TEX9: variants seen among roughly 807,000 people sequenced by gnomAD.
The protein encoded by TEX9 is testis expressed 9.
TEX9 carries 74 observed loss-of-function variants against 59.6 expected under a neutral mutation model. The ratio of observed to expected loss-of-function variants is 1.24; its 90% CI spans 1.03 to 1.51. TEX9 has a LOEUF of 1.51. Ranked by LOEUF, TEX9 falls within the 40% of genes most tolerant of loss-of-function variation. TEX9 has a pLI of 0.00. For missense variants in TEX9, 522 were observed against 447.8 expected, an observed-to-expected ratio of 1.17 and a Z score of -1.49; for synonymous variants, 186 against 152.2, an observed-to-expected ratio of 1.22 and a Z score of -1.64.
intron 1 of TEX9, among the ~76,000 whole-genome samples, chr15:56,328,766 G>A (rs1038224056): frequency 6.6e-6 from 1 of 152,060 alleles, no homozygotes; most frequent in African/African-American, 2.4e-5. Flanking sequence ...AGCACTCAGT[G>A]GTAAAATAGA....
chr15:56,365,483 T>C lies in TEX9; in HGVS notation c.27+6T>C. ...GGCGAAGTCTGTGTCTCACGGTCAG[T>C]TCAACTCCAGGCTCCTGGGGAGCGT... On this transcript the variant is annotated splice_donor_region_variant and intron_variant, in intron 1 of 12. Coordinates refer to ENST00000352903, the Ensembl canonical transcript of TEX9. 1 of 1,614,182 alleles carries C rather than the reference T, an allele frequency of 6.2e-7. No individual in the cohort carries two copies. Among genetic ancestry groups the C allele is most frequent in the Non-Finnish European group, 8.5e-7 (1 of 1,180,002 alleles).
At chr15:56,447,829 T>A (rs2050918958), downstream of TEX9, 1 of 152,176 alleles carries the variant, frequency 6.6e-6, no homozygotes, top group African/African-American at 2.4e-5. Flanking sequence ...TTCGCACTTA[T>A]CCTGAGGCAA....
At chr15:56,337,951 A>T (rs1320692141) in intron 1 of TEX9, among the ~76,000 whole-genome samples, 2 of 152,212 alleles carry the variant, frequency 1.3e-5, no homozygotes, top group East Asian at 3.9e-4. Flanking sequence ...GGTTGATAAG[A>T]CATTCCAGTA....
chr15:56,368,707 A>G lies in TEX9; in HGVS notation c.119+3037A>G, dbSNP rs373069868. Reference sequence around the variant, plus strand: ...AAATACATTAGCATAAACTGAGTCTATGGTGGTATGTTTGAAATCTTGACT... The same window carrying G: ...AAATACATTAGCATAAACTGAGTCTGTGGTGGTATGTTTGAAATCTTGACT... On this transcript the variant is annotated intron_variant, in intron 2 of 12. Transcript: ENST00000352903. 7.2e-4 allele frequency among the ~76,000 whole-genome samples: 109 copies of G among 152,282 alleles called. No individual in the cohort carries two copies. In the South Asian group the frequency reaches 0.021, roughly 30 times the overall value.
chr15:56,246,124 C>T (rs891146274), intron 1 of TEX9, among the ~76,000 whole-genome samples: 1 of 152,158 alleles, frequency 6.6e-6, no homozygotes. Context: ...AGGCTGGCTT[C>T]CCAAGTGCAA....
rs148762928 is a variant in TEX9 at position 56,305,131 on chromosome 15, G to T, written c.-107+60853G>T. Among the ~76,000 whole-genome samples the T allele has an allele frequency of 2.8e-3, 429 of 152,166 alleles. 5 individuals carry two copies. Among genetic ancestry groups the T allele is most frequent in the Admixed American group, 8.1e-3 (123 of 15,278 alleles). On this transcript the variant is annotated intron_variant, in intron 1 of 5. Transcript: ENST00000560827. ...AAACACTGATGCAAGAAATTGAGAA[G>T]ACACAAAACATGGAAAAATATTCTA... is the stretch of plus-strand genomic sequence containing the variant.
chr15:56,260,635 G>C (rs1486717495), intron 1 of TEX9, among the ~76,000 whole-genome samples: 1 of 151,736 alleles, frequency 6.6e-6, no homozygotes, highest in Non-Finnish European at 1.5e-5. Flanking sequence ...ATATTCTTTG[G>C]ATTTGATTAT....
chr15:56,369,060 TTG>T (rs2047072475), intron 2 of TEX9, among the ~76,000 whole-genome samples: 1 of 152,130 alleles, frequency 6.6e-6, no homozygotes, highest in Admixed American at 6.5e-5. Context: ...ATTCCAGGAC[TTG>T]TTTTGATGTA....
intron 1 of TEX9, among the ~76,000 whole-genome samples, chr15:56,271,193 T>G (rs1162294034): frequency 6.6e-6 from 1 of 152,184 alleles, no homozygotes; most frequent in Non-Finnish European, 1.5e-5. Context: ...CCTTACTAGT[T>G]TGGGGAAGTT....
chr15:56,279,580 T>C (rs1283594280), intron 1 of TEX9, among the ~76,000 whole-genome samples: 1 of 152,180 alleles, frequency 6.6e-6, no homozygotes, highest in Non-Finnish European at 1.5e-5. Context: ...TTTACTTCCA[T>C]AGAGAAATCT....
chr15:56,250,438 A>G (rs1334296133), intron 1 of TEX9, among the ~76,000 whole-genome samples: 1 of 152,190 alleles, frequency 6.6e-6, no homozygotes, highest in Non-Finnish European at 1.5e-5. Flanking sequence ...TAGAAGCAGG[A>G]AAACGAGCAT....
chr15:56,375,470 G>A (rs1471706648), intron 3 of TEX9, among the ~76,000 whole-genome samples: 21 of 151,826 alleles, frequency 1.4e-4, no homozygotes, highest in Non-Finnish European at 2.9e-5. Flanking sequence ...TAGGTTGCCT[G>A]TTCACTCTGA....
chr15:56,433,255 C>T (rs1331122390), intron 12 of TEX9, among the ~76,000 whole-genome samples: 3 of 14,064 alleles, frequency 2.1e-4, no homozygotes, highest in Middle Eastern at 0.029. Flanking sequence ...CAGGGCCTGT[C>T]GGGGGGTGGG....
chr15:56,439,032 A>C (rs1365842872), intron 12 of TEX9, among the ~76,000 whole-genome samples: 1 of 152,130 alleles, frequency 6.6e-6, no homozygotes, highest in Non-Finnish European at 1.5e-5. Flanking sequence ...CTCTGGGCAG[A>C]AGACATGCCT....
intron 3 of TEX9, among the ~76,000 whole-genome samples, chr15:56,381,900 A>T (rs2064434317): frequency 6.6e-6 from 1 of 152,212 alleles, no homozygotes; most frequent in African/African-American, 2.4e-5. Flanking sequence ...CTCTACAATC[A>T]GCAGGTGATG....
intron 1 of TEX9, among the ~76,000 whole-genome samples, chr15:56,299,952 C>A (rs1331069267): frequency 2.0e-5 from 3 of 151,876 alleles, no homozygotes; most frequent in African/African-American, 7.3e-5. Flanking sequence ...CTTTCAGTGG[C>A]CATGAGGAGA....
chr15:56,361,685 G>A (rs1204807846), upstream of TEX9, among the ~76,000 whole-genome samples: 5 of 152,150 alleles, frequency 3.3e-5, no homozygotes, highest in African/African-American at 9.7e-5. Context: ...GTTAGGATGA[G>A]GTCATTAGGG....
Position 56,383,956 on chromosome 15 carries a change from A to T in TEX9, c.188A>T (p.Asp63Val), listed in dbSNP as rs781268021. The T allele has an allele frequency of 1.4e-5, 22 of 1,610,172 alleles. No individual in the cohort carries two copies. The Admixed American group carries it at 2.9e-4, about 21-fold the overall frequency. The change falls in exon 4 of 13, where the codon GAT becomes GTT. Residue 63 changes from aspartate (D) to valine (V), a missense_variant. Transcript: ENST00000352903. The stretch of plus-strand genomic sequence containing the variant: ...ACCTATCTTTACTCATTTAAGAGAG[A>T]TCGGCAAGAAGTACGATCTAGGCCT...
intron 10 of TEX9, among the ~76,000 whole-genome samples, chr15:56,424,011 A>G (rs2050122963): frequency 1.3e-5 from 2 of 152,126 alleles, no homozygotes; most frequent in Non-Finnish European, 2.9e-5. Context: ...TAATTGGTCT[A>G]TAATGTTGTT....
Sources: allele counts gnomAD v4.1 joint callset (sites outside exome capture counted in the v4.1 genomes callset), GRCh38; gene constraint gnomAD v4.1.1; transcripts MANE v1.5; gene names NCBI Gene and HGNC (gene_info 2026-07-23, HGNC 2026-07-21).